The following VGLL4 variants were observed in gnomAD, a reference collection of about 807,000 sequenced individuals.
VGLL4 encodes transcription cofactor vestigial-like protein 4.
VGLL4 carries 7 observed loss-of-function variants against 21.0 expected under a neutral mutation model. That is an observed-to-expected ratio of 0.33 (90% CI 0.19 to 0.63). VGLL4 has a LOEUF of 0.63. Among genes scored for constraint, VGLL4 ranks in the 20% least tolerant of loss-of-function variants. The pLI, the probability that VGLL4 is intolerant of heterozygous loss-of-function variation, is 0.78. For missense variants in VGLL4, 394 were observed against 425.7 expected (o/e 0.93, Z 0.66); for synonymous variants, 222 against 173.2 (o/e 1.28, Z -2.21).
chr3:11,699,980 C>T lies in VGLL4; in HGVS notation c.64+2991G>A, dbSNP rs139094394. 9.2e-5 allele frequency among the ~76,000 whole-genome samples: 14 copies of T among 152,254 alleles called. No individual in the cohort carries two copies. The East Asian group carries it at 2.5e-3, about 27-fold the overall frequency. On this transcript the variant is annotated intron_variant, in intron 2 of 5. Coordinates refer to the VGLL4 transcript ENST00000273038. The stretch of plus-strand genomic sequence containing the variant: ...CCTTAGCAGTATCGTTTTGTTTCTC[C>T]GAAAACAGCTCTCCCAAACCATAGG...
At chr3:11,680,358 A>T (rs906023925) in intron 2 of VGLL4, among the ~76,000 whole-genome samples, 1 of 152,236 alleles carries the variant, frequency 6.6e-6, no homozygotes, top group Non-Finnish European at 1.5e-5. Context: ...CACTATCCCC[A>T]GACACCACCA....
Position 11,709,278 on chromosome 3 carries a change from A to T in VGLL4, c.-13-6231T>A, listed in dbSNP as rs140822367. Among the ~76,000 whole-genome samples the T allele has an allele frequency of 6.5e-4, 99 of 151,412 alleles. 1 individual carries two copies. Among genetic ancestry groups the T allele is most frequent in the Non-Finnish European group, 2.2e-4 (15 of 67,882 alleles). On this transcript the variant is annotated intron_variant, in intron 1 of 5. Coordinates refer to the VGLL4 transcript ENST00000273038. ...TAGAGAAACCCCGTCTCTTCTAAAAATATAAGAAATTAGCCAGGCATGGTA... is the reference window on the plus strand; with the variant it reads ...TAGAGAAACCCCGTCTCTTCTAAAATTATAAGAAATTAGCCAGGCATGGTA...
At chr3:11,560,868 T>G (rs546326259) in intron 3 of VGLL4, among the ~76,000 whole-genome samples, 15 of 152,290 alleles carry the variant, frequency 9.8e-5, no homozygotes, top group African/African-American at 3.4e-4. Context: ...GTTCTGCCTG[T>G]GGACAGGGCC....
chr3:11,635,393 C>A lies in VGLL4; in HGVS notation c.82+8044G>T, dbSNP rs542472024. ...GATCTGTGAGCACCAACAGAACAAT[C>A]TGCCTTCATTTCCCCTGAAGGAAGG... On this transcript the variant is annotated intron_variant, in intron 1 of 4. Coordinates refer to ENST00000430365, the MANE Select transcript of VGLL4 (RefSeq NM_001128219.3). Among the ~76,000 whole-genome samples the A allele has an allele frequency of 9.0e-4, 137 of 152,338 alleles. 2 individuals are homozygous for A. The highest frequency in any genetic ancestry group is 3.1e-3 in the African/African-American group (129 of 41,586).
At chr3:11,628,272 C>T (rs1575469898) in intron 1 of VGLL4, among the ~76,000 whole-genome samples, 1 of 151,850 alleles carries the variant, frequency 6.6e-6, no homozygotes, top group South Asian at 2.1e-4. Context: ...CCTGTGATTC[C>T]AGCTACTTGG....
intron 2 of VGLL4, among the ~76,000 whole-genome samples, chr3:11,688,415 T>A (rs996986050): frequency 1.3e-5 from 2 of 152,208 alleles, no homozygotes; most frequent in African/African-American, 4.8e-5. Flanking sequence ...TGACTACTTG[T>A]TAAATTTTTA....
At chr3:11,643,943 T>G, upstream of VGLL4, 1 of 992,786 alleles carries the variant, frequency 1.0e-6, no homozygotes, top group Non-Finnish European at 1.2e-6. Context: ...TGCCGCCGCT[T>G]CCTCTTCCCG....
At chr3:11,677,980 A>G (rs1176680770) in intron 2 of VGLL4, among the ~76,000 whole-genome samples, 2 of 152,042 alleles carry the variant, frequency 1.3e-5, no homozygotes, top group Admixed American at 1.3e-4. Flanking sequence ...AGTCTAAATG[A>G]ATAACTTCTG....
In VGLL4 at chr3:11,598,322, C is replaced by T. The variant is rs535034534; in HGVS notation, c.272+3511G>A. Among the ~76,000 whole-genome samples, 71 of 152,248 alleles carry T rather than the reference C, an allele frequency of 4.7e-4. 1 individual carries two copies. The highest frequency in any genetic ancestry group is 3.1e-3 in the East Asian group (16 of 5,180). ...GATTACAGGCACGAGCCACCTCGCC[C>T]GGCCTCTGCTGCTTCTTACTCTGGC... On this transcript the variant is annotated intron_variant, in intron 2 of 4. Transcript: ENST00000430365.
At chr3:11,664,433 G>A (rs900175775) in intron 2 of VGLL4, among the ~76,000 whole-genome samples, 3 of 152,130 alleles carry the variant, frequency 2.0e-5, no homozygotes, top group African/African-American at 4.8e-5. Flanking sequence ...GTGGCCCTGG[G>A]CAATCACCTC....
intron 2 of VGLL4, among the ~76,000 whole-genome samples, chr3:11,662,147 T>A (rs1295004848): frequency 6.6e-6 from 1 of 152,094 alleles, no homozygotes; most frequent in Non-Finnish European, 1.5e-5. Context: ...ACGGTGGAAG[T>A]CAGCCCAAAG....
At chr3:11,636,826 T>C (rs1232460902) in intron 1 of VGLL4, among the ~76,000 whole-genome samples, 2 of 152,160 alleles carry the variant, frequency 1.3e-5, no homozygotes, top group Non-Finnish European at 1.5e-5. Context: ...CTTCCCAAAG[T>C]ATCACCAACT....
At chr3:11,679,673 ACT>A (rs2076343289) in intron 2 of VGLL4, among the ~76,000 whole-genome samples, 2 of 152,114 alleles carry the variant, frequency 1.3e-5, no homozygotes, top group South Asian at 2.1e-4. Context: ...ACAGAGCAAC[ACT>A]CTGGCTCAAA....
At chr3:11,669,383 A>G (rs888455051) in intron 2 of VGLL4, among the ~76,000 whole-genome samples, 1 of 152,094 alleles carries the variant, frequency 6.6e-6, no homozygotes, top group African/African-American at 2.4e-5. Context: ...CCCCGCCTCT[A>G]AAAAAAGAAG....
chr3:11,601,729 ATAAAG>A, intron 2 of VGLL4, 99 bp downstream of exon 2: 1 of 1,318,194 alleles, frequency 7.6e-7, no homozygotes, highest in South Asian at 1.3e-5. Context: ...TCCTTTTCAA[ATAAAG>A]TATGCAAATG....
At chr3:11,657,019 G>A (rs1361841049) in intron 2 of VGLL4, among the ~76,000 whole-genome samples, 4 of 152,144 alleles carry the variant, frequency 2.6e-5, no homozygotes, top group Non-Finnish European at 5.9e-5. Flanking sequence ...GAGCAGTGAC[G>A]GGCCTCCCAA....
intron 2 of VGLL4, among the ~76,000 whole-genome samples, chr3:11,577,508 G>A (rs1452478307): frequency 2.6e-5 from 4 of 152,100 alleles, no homozygotes; most frequent in East Asian, 1.9e-4. Context: ...CAAGAGAATC[G>A]CTGGAACGTG....
Position 11,643,804 on chromosome 3 carries a change from T to C in VGLL4, c.-286A>G, listed in dbSNP as rs1367290193. On this transcript the variant is annotated 5_prime_UTR_variant, in exon 1 of 5. Coordinates refer to ENST00000430365, the MANE Select transcript of VGLL4 (RefSeq NM_001128219.3). ...TTCAGAAGTCCTTACAAGTCCTTCC[T>C]GGAAATGGAAAAGAGTGAAAAAGAG... 2.5e-5 allele frequency: 28 copies of C among 1,118,186 alleles called. No individual in the cohort carries two copies. Among genetic ancestry groups the C allele is most frequent in the Admixed American group, 9.5e-5 (2 of 21,018 alleles). 69.3% of individuals were successfully genotyped at this position (1,118,186 alleles called of 1,614,324 possible).
chr3:11,600,944 A>G (rs530476579), intron 2 of VGLL4, among the ~76,000 whole-genome samples: 6 of 152,342 alleles, frequency 3.9e-5, no homozygotes, highest in South Asian at 2.1e-4. Context: ...GATTGGCAAG[A>G]TAACTCCAAG....
Sources: allele counts gnomAD v4.1 joint callset (sites outside exome capture counted in the v4.1 genomes callset), GRCh38; gene constraint gnomAD v4.1.1; transcripts MANE v1.5; gene names NCBI Gene and HGNC (gene_info 2026-07-23, HGNC 2026-07-21).